Variants in ZNF804B observed in about 807,000 individuals in gnomAD.
ZNF804B encodes the protein zinc finger 804B.
Under a neutral mutation model 101.4 loss-of-function variants are expected in ZNF804B, and 80 were observed. That is an observed-to-expected ratio of 0.79 (90% CI 0.66 to 0.95). ZNF804B has a LOEUF of 0.95. ZNF804B is among the 40% of genes least tolerant of loss of function. The pLI is 0.00. For missense variants in ZNF804B, 1,673 were observed against 1,561.9 expected (o/e 1.07, Z -1.20); for synonymous variants, 622 against 558.8 (o/e 1.11, Z -1.59).
At chr7:89,298,934 C>T (rs1430495925) in intron 2 of ZNF804B, among the ~76,000 whole-genome samples, 1 of 151,776 alleles carries the variant, frequency 6.6e-6, no homozygotes, top group Non-Finnish European at 1.5e-5. Flanking sequence ...AATGGATTGT[C>T]TCAGGGTTGC....
intron 1 of ZNF804B, among the ~76,000 whole-genome samples, chr7:89,194,888 A>G (rs1217091394): frequency 4.6e-5 from 7 of 152,074 alleles, no homozygotes; most frequent in Non-Finnish European, 7.3e-5. Context: ...CATTGAATCT[A>G]TAAATTACCT....
At chr7:88,868,161 T>A (rs545755943) in intron 1 of ZNF804B, among the ~76,000 whole-genome samples, 3 of 152,090 alleles carry the variant, frequency 2.0e-5, no homozygotes, top group East Asian at 3.9e-4. Flanking sequence ...TATATTTCAA[T>A]GTCGAAGGTA....
intron 2 of ZNF804B, among the ~76,000 whole-genome samples, chr7:89,225,604 G>T (rs1392412491): frequency 1.3e-5 from 2 of 151,972 alleles, no homozygotes; most frequent in Non-Finnish European, 2.9e-5. Flanking sequence ...TCAATACATT[G>T]ACCTATCATT....
intron 2 of ZNF804B, among the ~76,000 whole-genome samples, chr7:89,308,580 A>G (rs1330235158): frequency 6.6e-6 from 1 of 152,144 alleles, no homozygotes; most frequent in African/African-American, 2.4e-5. Flanking sequence ...TTCTTTTACC[A>G]CCATCTGCTC....
intron 1 of ZNF804B, among the ~76,000 whole-genome samples, chr7:88,764,496 T>C (rs948650571): frequency 6.6e-6 from 1 of 152,110 alleles, no homozygotes. Context: ...AATAGGAGGA[T>C]GTGGAATATA....
At chr7:88,762,628 A>G (rs56911212) in intron 1 of ZNF804B, among the ~76,000 whole-genome samples, 9,076 of 151,918 alleles carry the variant, frequency 0.06, 531 homozygotes, top group African/African-American at 0.15. Flanking sequence ...TTTTTCCTTT[A>G]GTATAAATGT....
At chr7:89,211,187 GTTGT>G (rs1365745585) in intron 1 of ZNF804B, among the ~76,000 whole-genome samples, 32 of 152,076 alleles carry the variant, frequency 2.1e-4, no homozygotes, top group Non-Finnish European at 1.5e-4. Context: ...TTTTAATAGG[GTTGT>G]TTGTTTTTTT....
chr7:89,129,026 C>T (rs1479573288), intron 1 of ZNF804B, among the ~76,000 whole-genome samples: 1 of 151,926 alleles, frequency 6.6e-6, no homozygotes, highest in Non-Finnish European at 1.5e-5. Flanking sequence ...TTCCTGTTCC[C>T]TCTGTATCCT....
At chr7:88,816,234 G>C (rs979002175) in intron 1 of ZNF804B, among the ~76,000 whole-genome samples, 2 of 152,002 alleles carry the variant, frequency 1.3e-5, no homozygotes, top group African/African-American at 4.8e-5. Context: ...TTCTTCCTGT[G>C]TGGATGCTTC....
intron 1 of ZNF804B, among the ~76,000 whole-genome samples, chr7:88,900,516 A>T (rs371354792): frequency 4.0e-5 from 6 of 149,722 alleles, no homozygotes; most frequent in East Asian, 3.9e-4. Context: ...TTCAACAATA[A>T]ATTTCAATTA....
At chr7:89,251,377 T>C (rs917660498) in intron 2 of ZNF804B, among the ~76,000 whole-genome samples, 4 of 151,918 alleles carry the variant, frequency 2.6e-5, no homozygotes, top group African/African-American at 9.7e-5. Context: ...AAAAAACAAC[T>C]AGGAATACAT....
chr7:89,084,704 T>C (rs1044910031), intron 1 of ZNF804B, among the ~76,000 whole-genome samples: 3 of 151,988 alleles, frequency 2.0e-5, no homozygotes, highest in African/African-American at 2.4e-5. Flanking sequence ...TTCAAATGTT[T>C]AGATAACAAT....
At chr7:88,813,933 A>G (rs191067495) in intron 1 of ZNF804B, among the ~76,000 whole-genome samples, 2 of 152,290 alleles carry the variant, frequency 1.3e-5, no homozygotes, top group East Asian at 1.9e-4. Context: ...TGCACTCACT[A>G]GGTTTTGTAG....
In ZNF804B at chr7:88,760,042, A is replaced by T; in HGVS notation, c.66A>T (p.Gly22=). 6.2e-7 allele frequency: 1 copy of T among 1,614,168 alleles called. No individual in the cohort carries two copies. Among genetic ancestry groups the T allele is most frequent in the Admixed American group, 1.7e-5 (1 of 60,028 alleles). ...LSNGHYRGIK[G]VFRGPLCKNG... ...ATGGGCACTACCGGGGCATTAAAGG[A>T]GTCTTCAGGGGACCCCTGTGCAAGA... The change falls in exon 1 of 4, where the codon GGA becomes GGT. Residue 22 remains glycine, a synonymous_variant. Transcript: ENST00000333190.
chr7:88,963,105 A>G (rs1345066702), intron 1 of ZNF804B, among the ~76,000 whole-genome samples: 2 of 151,164 alleles, frequency 1.3e-5, no homozygotes, highest in African/African-American at 4.8e-5. Flanking sequence ...ACCCAAAGTA[A>G]TCTACACTTT....
chr7:89,078,437 A>T (rs568525198), intron 1 of ZNF804B, among the ~76,000 whole-genome samples: 1 of 149,104 alleles, frequency 6.7e-6, no homozygotes, highest in African/African-American at 2.4e-5. Context: ...CTTTGAAATT[A>T]ATATATTGCT....
chr7:88,802,103 G>T (rs899118325), intron 1 of ZNF804B, among the ~76,000 whole-genome samples: 2 of 151,986 alleles, frequency 1.3e-5, no homozygotes, highest in Non-Finnish European at 2.9e-5. Context: ...TATCTCCTGT[G>T]CTCGCTCCCT....
intron 1 of ZNF804B, among the ~76,000 whole-genome samples, chr7:88,786,058 T>G (rs1354372919): frequency 6.6e-6 from 1 of 152,166 alleles, no homozygotes; most frequent in Non-Finnish European, 1.5e-5. Context: ...TTGCTTATGA[T>G]TGTACCCCTG....
chr7:88,941,230 C>T (rs1297928231), intron 1 of ZNF804B, among the ~76,000 whole-genome samples: 1 of 151,936 alleles, frequency 6.6e-6, no homozygotes, highest in African/African-American at 2.4e-5. Flanking sequence ...TAAGTGTGCT[C>T]TTACCATACA....
Sources: gnomAD v4.1 joint callset for allele counts (sites outside exome capture counted in the v4.1 genomes callset) on GRCh38, gnomAD v4.1.1 for gene constraint, MANE v1.5 for transcripts, NCBI Gene and HGNC (gene_info 2026-07-23, HGNC 2026-07-21) for gene names.